The following UNC13B variants were observed in gnomAD, a reference collection of about 807,000 sequenced individuals.
UNC13B encodes unc-13 homolog B.
Under a neutral mutation model 211.0 loss-of-function variants are expected in UNC13B, and 144 were observed. The ratio of observed to expected loss-of-function variants is 0.68; its 90% CI spans 0.60 to 0.78. The LOEUF is 0.78. UNC13B is among the 30% of genes least tolerant of loss of function. UNC13B has a pLI of 0.00. For missense variants in UNC13B, 1,777 were observed against 2,002.0 expected (o/e 0.89, Z 2.14); for synonymous variants, 709 against 725.8 (o/e 0.98, Z 0.37).
At chr9:35,269,701 C>T (rs1243671685) in intron 7 of UNC13B, among the ~76,000 whole-genome samples, 3 of 152,202 alleles carry the variant, frequency 2.0e-5, no homozygotes, top group Non-Finnish European at 4.4e-5. Context: ...TAACAAAAGA[C>T]AGTCTTATCC....
intron 1 of UNC13B, among the ~76,000 whole-genome samples, chr9:35,185,358 T>C (rs1250960195): frequency 6.6e-6 from 1 of 152,226 alleles, no homozygotes; most frequent in East Asian, 1.9e-4. Context: ...CTAGAGTATA[T>C]GTCAGCTCTG....
At chr9:35,322,403 G>T (rs570445893) in intron 11 of UNC13B, among the ~76,000 whole-genome samples, 1 of 152,202 alleles carries the variant, frequency 6.6e-6, no homozygotes, top group East Asian at 1.9e-4. Flanking sequence ...ATGGAGATAG[G>T]CCAGGAAGAA....
chr9:35,246,165 G>T (rs1826086792), intron 6 of UNC13B, among the ~76,000 whole-genome samples: 1 of 151,876 alleles, frequency 6.6e-6, no homozygotes, highest in African/African-American at 2.4e-5. Flanking sequence ...AGAAGTGCCT[G>T]TTCATGTCCT....
intron 1 of UNC13B, among the ~76,000 whole-genome samples, chr9:35,223,172 T>C (rs1001477577): frequency 1.3e-5 from 2 of 152,234 alleles, no homozygotes; most frequent in Non-Finnish European, 2.9e-5. Context: ...CTAATATCCC[T>C]TTGACATACT....
intron 1 of UNC13B, among the ~76,000 whole-genome samples, chr9:35,227,466 G>C (rs77587611): frequency 1.3e-5 from 2 of 152,108 alleles, no homozygotes; most frequent in African/African-American, 4.8e-5. Context: ...CCAGGAGTTG[G>C]CATGTGCACT....
At chr9:35,226,438 T>C (rs1285126367) in intron 1 of UNC13B, among the ~76,000 whole-genome samples, 1 of 152,088 alleles carries the variant, frequency 6.6e-6, no homozygotes, top group Non-Finnish European at 1.5e-5. Context: ...GAGAGTTTAT[T>C]AGGAGAATTG....
At position 35,398,920 on chromosome 9, in the gene UNC13B, C is replaced by A. The variant is rs1836078104; in HGVS notation, c.11960C>A (p.Ala3987Asp). ...VRIDECVRQM[A>D]DILGQVRGTG... ...ATTGATGAGTGTGTTCGACAAATGGCCGACATCCTGGGCCAGGTTCGGGGC... is the reference window on the plus strand; with the variant it reads ...ATTGATGAGTGTGTTCGACAAATGGACGACATCCTGGGCCAGGTTCGGGGC... The change falls in exon 33 of 40, where the codon GCC becomes GAC. Residue 3987 changes from alanine to aspartate, a missense_variant. Transcript: ENST00000635942. The A allele has an allele frequency of 2.5e-6, 4 of 1,614,020 alleles. No homozygotes were observed. Among genetic ancestry groups the A allele is most frequent in the Non-Finnish European group, 3.4e-6 (4 of 1,180,022 alleles).
chr9:35,182,822 A>G (rs906611097), intron 1 of UNC13B, among the ~76,000 whole-genome samples: 11 of 152,240 alleles, frequency 7.2e-5, no homozygotes, highest in Non-Finnish European at 1.5e-4. Context: ...CCCAAGGCAG[A>G]ATAATTTTTC....
At chr9:35,248,279 A>G (rs1475012402) in intron 6 of UNC13B, among the ~76,000 whole-genome samples, 1 of 151,818 alleles carries the variant, frequency 6.6e-6, no homozygotes, top group Non-Finnish European at 1.5e-5. Context: ...CAGTCTATCA[A>G]TTTTGTTGAT....
Position 35,306,229 on chromosome 9 carries a change from A to G in UNC13B, c.6825A>G (p.Val2275=), listed in dbSNP as rs1829916786. 1 of 398,956 alleles carries G rather than the reference A, an allele frequency of 2.5e-6. No homozygotes were observed. The highest frequency in any genetic ancestry group is 4.4e-5 in the Admixed American group (1 of 22,708). The allele number at this position is 398,956 out of a possible 1,614,324, so 24.7% of individuals were successfully genotyped here. A position where few individuals can be genotyped will look rare whatever the true frequency, so the allele number is the denominator to read the frequency against. The change falls in exon 9 of 40, where the codon GTA becomes GTG. Residue 2275 remains valine, a synonymous_variant. Coordinates refer to ENST00000635942, the MANE Select transcript of UNC13B (RefSeq NM_001371189.2). ...SGHRDSIAQE[V]VHEQQMAPCI... ...ATAGAGATAGCATAGCCCAAGAAGT[A>G]GTTCATGAACAGCAAATGGCACCTT...
intron 4 of UNC13B, 61 bp from the exon 5 acceptor site, chr9:35,237,642 C>T: frequency 1.3e-6 from 2 of 1,590,744 alleles, no homozygotes; most frequent in South Asian, 2.3e-5. Flanking sequence ...AAAAACCTGA[C>T]TCTTGAACTA....
intron 7 of UNC13B, among the ~76,000 whole-genome samples, chr9:35,286,503 G>C (rs538257873): frequency 6.6e-6 from 1 of 152,042 alleles, no homozygotes; most frequent in South Asian, 2.1e-4. Flanking sequence ...AAGAAGCCTG[G>C]AAATTTTAGC....
At chr9:35,190,548 T>G (rs188901899) in intron 1 of UNC13B, among the ~76,000 whole-genome samples, 40 of 152,106 alleles carry the variant, frequency 2.6e-4, no homozygotes, top group Admixed American at 1.6e-3. Context: ...TTTTTTTTTC[T>G]TCCCCCCCTC....
At chr9:35,371,838 C>T (rs1214346851) in intron 13 of UNC13B, 1 of 152,636 alleles carries the variant, frequency 6.6e-6, no homozygotes, top group African/African-American at 2.4e-5. Flanking sequence ...CTGCTTTGGA[C>T]TATAGGGAAG....
At chr9:35,319,471 A>G (rs1830631423) in intron 11 of UNC13B, among the ~76,000 whole-genome samples, 1 of 149,368 alleles carries the variant, frequency 6.7e-6, no homozygotes, top group African/African-American at 2.5e-5. Flanking sequence ...GGTTTGTTAC[A>G]TAGGTATTTT....
At chr9:35,246,512 T>C (rs1273039858) in intron 6 of UNC13B, among the ~76,000 whole-genome samples, 7 of 152,334 alleles carry the variant, frequency 4.6e-5, no homozygotes, top group Non-Finnish European at 7.4e-5. Context: ...TAATCCATCT[T>C]GAATTAATTT....
At chr9:35,339,966 C>T (rs984712020) in intron 11 of UNC13B, among the ~76,000 whole-genome samples, 1 of 152,236 alleles carries the variant, frequency 6.6e-6, no homozygotes, top group African/African-American at 2.4e-5. Context: ...CCTGACCAAA[C>T]CTGATAGTGA....
chr9:35,225,003 ACT>A (rs1564077929), intron 1 of UNC13B, among the ~76,000 whole-genome samples: 1 of 151,800 alleles, frequency 6.6e-6, no homozygotes, highest in African/African-American at 2.4e-5. Context: ...AAAAAAAAAA[ACT>A]CTCAAAAAAT....
intron 11 of UNC13B, among the ~76,000 whole-genome samples, chr9:35,341,413 C>T (rs2132013394): frequency 6.6e-6 from 1 of 152,154 alleles, no homozygotes; most frequent in East Asian, 1.9e-4. Context: ...CAAATGCTGA[C>T]AACAGATTAT....
Sources: allele counts gnomAD v4.1 joint callset (sites outside exome capture counted in the v4.1 genomes callset), GRCh38; gene constraint gnomAD v4.1.1; transcripts MANE v1.5; gene names NCBI Gene and HGNC (gene_info 2026-07-23, HGNC 2026-07-21).